The following CEP192 variants were observed in gnomAD, a reference collection of about 807,000 sequenced individuals.
CEP192 encodes the protein centrosomal protein of 192 kDa.
Under a neutral mutation model 271.8 loss-of-function variants are expected in CEP192, and 151 were observed. That is an observed-to-expected ratio of 0.56 (90% confidence interval 0.49 to 0.64). The LOEUF (loss-of-function observed/expected upper bound fraction) is 0.64. Ranked by LOEUF, CEP192 falls within the 30% of genes least tolerant of loss-of-function variation. CEP192 has a pLI of 0.00. For missense variants in CEP192, 2,910 were observed against 3,020.5 expected, an observed-to-expected ratio of 0.96 and a Z score of 0.86; for synonymous variants, 995 against 1,076.5, an observed-to-expected ratio of 0.92 and a Z score of 1.48.
intron 15 of CEP192, among the ~76,000 whole-genome samples, chr18:13,042,931 C>T (rs576463463): frequency 2.3e-4 from 35 of 152,254 alleles, no homozygotes; most frequent in African/African-American, 7.7e-4. Context: ...AGTGTGCAAA[C>T]GTTCATATGA....
At chr18:13,078,253 G>A (rs1415022387) in intron 30 of CEP192, among the ~76,000 whole-genome samples, 1 of 152,132 alleles carries the variant, frequency 6.6e-6, no homozygotes, top group Admixed American at 6.5e-5. Context: ...CCCTGCAAAG[G>A]ACATGAACTT....
intron 40 of CEP192, among the ~76,000 whole-genome samples, chr18:13,106,269 A>G (rs780585730): frequency 8.6e-5 from 13 of 151,916 alleles, no homozygotes; most frequent in Non-Finnish European, 1.6e-4. Context: ...CTCCCACACA[A>G]CCTTCAACTA....
intron 11 of CEP192, 40 bp downstream of exon 11, chr18:13,030,648 G>C (rs1408667761): frequency 1.3e-6 from 2 of 1,488,826 alleles, no homozygotes; most frequent in Non-Finnish European, 1.9e-6. Context: ...CATTTTCACT[G>C]TTTCTGATCT....
rs754502629 is a variant in CEP192, at chr18:13,048,973, A to C, written c.2182A>C (p.Asn728His). 2 of 1,613,094 alleles carry C rather than the reference A, an allele frequency of 1.2e-6. No homozygotes were observed. ...IASAIAEASV[N>H]TDPSQLAAMI... ...TTCAGCCATTGCAGAGGCATCAGTT[A>C]ATACTGATCCTTCCCAACTTGCTGC... is the stretch of plus-strand genomic sequence containing the variant. Residue 728 changes from asparagine (N) to histidine (H), a missense_variant, in exon 16 of 45, where the codon AAT becomes CAT. Physicochemically the swap from Asn to His is moderately conservative, Grantham distance 68. Transcript: ENST00000506447.
At chr18:13,067,725 A>T in intron 21 of CEP192, 106 bp from the exon 22 acceptor site, 1 of 848,494 alleles carries the variant, frequency 1.2e-6, no homozygotes, top group Non-Finnish European at 1.8e-6. Flanking sequence ...AGTTTTACTT[A>T]CTGCTGACTC....
chr18:13,104,118 T>C (rs1245391045), intron 39 of CEP192, among the ~76,000 whole-genome samples: 3 of 152,264 alleles, frequency 2.0e-5, no homozygotes, highest in Non-Finnish European at 4.4e-5. Flanking sequence ...AATACATGTT[T>C]GCTCCATTTA....
intron 44 of CEP192, among the ~76,000 whole-genome samples, chr18:13,123,477 T>C (rs1256169294): frequency 6.6e-6 from 1 of 152,232 alleles, no homozygotes; most frequent in South Asian, 2.1e-4. Flanking sequence ...TGTACTCTTG[T>C]GCACCCAAGA....
chr18:12,992,075 G>A (rs1409957053), intron 1 of CEP192, among the ~76,000 whole-genome samples: 1 of 152,150 alleles, frequency 6.6e-6, no homozygotes, highest in Non-Finnish European at 1.5e-5. Context: ...CTTTTACTTT[G>A]CTGTTACTTT....
Position 13,056,635 on chromosome 18 carries a change from G to A in CEP192, c.4045G>A (p.Val1349Met), listed in dbSNP as rs1314535485. 1 of 1,613,920 alleles carries A rather than the reference G, an allele frequency of 6.2e-7. No individual in the cohort carries two copies. The highest frequency in any genetic ancestry group is 8.5e-7 in the Non-Finnish European group (1 of 1,179,886). Reference sequence around the variant, plus strand: ...GCTAAGCACAACAAAACCTTTTCCTGTGCCGTCTGTTGGTACAAACTGTGG... The same window carrying A: ...GCTAAGCACAACAAAACCTTTTCCTATGCCGTCTGTTGGTACAAACTGTGG... Reference protein sequence around the residue: ...NLLSTTKPFPVPSVGTNCGIE... With the variant: ...NLLSTTKPFPMPSVGTNCGIE... Residue 1349 changes from valine (V) to methionine (M), a missense_variant, in exon 19 of 45, where the codon GTG (valine) becomes ATG (methionine). Val to Met is a conservative substitution (Grantham distance 21, BLOSUM62 1). Coordinates refer to ENST00000506447, the MANE Select transcript of CEP192 (RefSeq NM_032142.4).
chr18:13,050,206 A>C (rs1355781879), intron 17 of CEP192, among the ~76,000 whole-genome samples: 2 of 152,186 alleles, frequency 1.3e-5, no homozygotes, highest in African/African-American at 4.8e-5. Flanking sequence ...TATAAATGAT[A>C]TTGGGATGAA....
intron 44 of CEP192, among the ~76,000 whole-genome samples, chr18:13,120,788 T>C (rs1403563095): frequency 2.0e-5 from 3 of 152,244 alleles, no homozygotes; most frequent in Non-Finnish European, 4.4e-5. Context: ...ATTTCAGCAA[T>C]AGCTTTAATA....
At chr18:13,101,667 C>T (rs981165763) in intron 38 of CEP192, among the ~76,000 whole-genome samples, 4 of 152,136 alleles carry the variant, frequency 2.6e-5, no homozygotes, top group South Asian at 2.1e-4. Context: ...CAGCCTCAGC[C>T]TCCTGCTTCC....
At chr18:13,037,801 C>T (rs1487153183) in intron 12 of CEP192, among the ~76,000 whole-genome samples, 2 of 152,124 alleles carry the variant, frequency 1.3e-5, no homozygotes, top group Non-Finnish European at 1.5e-5. Flanking sequence ...GCAATCCTTC[C>T]ATCTTGGCCT....
At chr18:13,079,105 A>G (rs997659315) in intron 30 of CEP192, among the ~76,000 whole-genome samples, 1 of 152,204 alleles carries the variant, frequency 6.6e-6, no homozygotes, top group African/African-American at 2.4e-5. Flanking sequence ...ATATGTGTGC[A>G]TGTGTCTTTA....
At position 13,029,447 on chromosome 18, in the gene CEP192, A is replaced by G. The variant is rs139715359; in HGVS notation, c.1051-216A>G. On this transcript the variant is annotated intron_variant, in intron 9 of 44. Transcript: ENST00000506447. The stretch of plus-strand genomic sequence containing the variant: ...ATGTAAATCTCTTGATGTGTTTCCT[A>G]TGACCACATCACAAAGTCTGGTTTT... 2.8e-3 allele frequency among the ~76,000 whole-genome samples: 434 copies of G among 152,322 alleles called. 2 individuals are homozygous for G. Among genetic ancestry groups the G allele is most frequent in the Admixed American group, 7.4e-3 (113 of 15,308 alleles).
At chr18:13,059,986 GA>G (rs1598478199) in intron 21 of CEP192, among the ~76,000 whole-genome samples, 1 of 152,120 alleles carries the variant, frequency 6.6e-6, no homozygotes, top group African/African-American at 2.4e-5. Flanking sequence ...AACTAACATT[GA>G]AAAAAATTAA....
At chr18:13,006,173 T>C (rs896202175) in intron 3 of CEP192, among the ~76,000 whole-genome samples, 2 of 152,166 alleles carry the variant, frequency 1.3e-5, no homozygotes, top group Non-Finnish European at 2.9e-5. Context: ...TTTTTCTGTT[T>C]TAGTGCAAAA....
At chr18:13,117,698 T>C in intron 44 of CEP192, 55 bp downstream of exon 44, 1 of 1,366,766 alleles carries the variant, frequency 7.3e-7, no homozygotes, top group South Asian at 1.2e-5. Context: ...CTTTCGTCTC[T>C]TGGGAGTTGG....
At position 13,089,508 on chromosome 18, in the gene CEP192, G is replaced by A; in HGVS notation, c.6046G>A (p.Val2016Met). 1 of 1,607,438 alleles carries A rather than the reference G, an allele frequency of 6.2e-7. No individual in the cohort carries two copies. Among genetic ancestry groups the A allele is most frequent in the Non-Finnish European group, 8.5e-7 (1 of 1,176,590 alleles). Residue 2016 changes from valine (V) to methionine (M), a missense_variant, in exon 33 of 45, where the codon GTG becomes ATG. Val to Met is a conservative substitution (Grantham distance 21). Coordinates refer to ENST00000506447, the MANE Select transcript of CEP192 (RefSeq NM_032142.4). ...AAAACAGATACTTCCAGAACATAGT[G>A]TGCTTCAAAACATTAATTTTGTTGA... Reference protein sequence around the residue: ...MIKQILPEHSVLQNINFVEAF... With the variant: ...MIKQILPEHSMLQNINFVEAF...
Sources: gnomAD v4.1 joint callset for allele counts (sites outside exome capture counted in the v4.1 genomes callset) on GRCh38, gnomAD v4.1.1 for gene constraint, MANE v1.5 for transcripts, NCBI Gene and HGNC (gene_info 2026-07-23, HGNC 2026-07-21) for gene names.